The following MTRR variants were observed in gnomAD, a reference collection of about 807,000 sequenced individuals.
MTRR encodes the protein 5-methyltetrahydrofolate-homocysteine methyltransferase reductase.
A neutral mutation model predicts 79.2 loss-of-function variants in MTRR; 63 were observed. That is an observed-to-expected ratio of 0.80 (90% CI 0.65 to 0.98). The LOEUF is 0.98. Ranked by LOEUF, MTRR falls within the 50% of genes least tolerant of loss-of-function variation. The probability of loss-of-function intolerance (pLI) is 0.00; values close to 1 mark genes in which losing one functional copy is unlikely to be tolerated. For synonymous variants in MTRR, 355 were observed against 313.3 expected, an observed-to-expected ratio of 1.13 and a Z score of -1.41; for missense variants, 895 against 839.6, an observed-to-expected ratio of 1.07 and a Z score of -0.82.
chr5:7,887,806 A>G (rs1469256567), intron 8 of MTRR, among the ~76,000 whole-genome samples: 3 of 33,734 alleles, frequency 8.9e-5, no homozygotes, highest in Admixed American at 6.8e-4. Flanking sequence ...ATATATATAT[A>G]TATATATATA....
At chr5:7,899,200 C>T (rs1225198378) in intron 14 of MTRR, among the ~76,000 whole-genome samples, 2 of 152,180 alleles carry the variant, frequency 1.3e-5, no homozygotes, top group Admixed American at 1.3e-4. Flanking sequence ...CCAAGCCCCA[C>T]TTCTAACACT....
rs1748699184 is a variant in MTRR, at chr5:7,875,372, T to C, written c.398T>C (p.Val133Ala). ...GACACTGGACATGCAGATGACTGTG[T>C]AGGGTAAGGGCAGTGTTCTCTGTTT... ...FYDTGHADDC[V>A]GLELVVEPWI... Residue 133 changes from valine (V) to alanine (A), a missense_variant, in exon 4 of 15, where the codon GTA (valine) becomes GCA (alanine). By Grantham distance (64) the Val-to-Ala change is moderately conservative. Transcript: ENST00000440940. 1 of 1,606,366 alleles carries C rather than the reference T, an allele frequency of 6.2e-7. No homozygotes were observed.
chr5:7,867,182 G>C (rs1747021811), upstream of MTRR: 1 of 1,614,084 alleles, frequency 6.2e-7, no homozygotes, highest in African/African-American at 1.3e-5. Flanking sequence ...CACCAGGGCA[G>C]TGAGCATTTG....
chr5:7,870,975 T>C, intron 2 of MTRR, 52 bp downstream of exon 2: 1 of 1,610,816 alleles, frequency 6.2e-7, no homozygotes, highest in South Asian at 1.1e-5. Context: ...AGAATTTTGG[T>C]TGGGAAGTGA....
chr5:7,883,603 G>A (rs563670547), intron 6 of MTRR, among the ~76,000 whole-genome samples: 69 of 152,074 alleles, frequency 4.5e-4, no homozygotes, highest in Non-Finnish European at 5.3e-4. Flanking sequence ...GAGTTGTGTG[G>A]TGCTTGGTTA....
chr5:7,895,471 A>G (rs796536671), intron 11 of MTRR, among the ~76,000 whole-genome samples: 41 of 152,352 alleles, frequency 2.7e-4, no homozygotes, highest in African/African-American at 9.1e-4. Context: ...TTGATTATCT[A>G]TTTAGAGTTC....
In MTRR at chr5:7,875,251, T is replaced by A; in HGVS notation, c.284-7T>A. The A allele has an allele frequency of 6.3e-7, 1 of 1,579,786 alleles. No individual in the cohort carries two copies. ...TTGTGCATTAATTATGTATTTGGGT[T>A]CTCTAGGTCTCGGTGATTCAGAATA... On this transcript the variant is annotated splice_polypyrimidine_tract_variant and splice_region_variant and intron_variant, in intron 3 of 14. Transcript: ENST00000440940.
rs748646666 is a variant in MTRR, at chr5:7,900,014, A to G, written c.2053A>G (p.Thr685Ala). The change falls in exon 15 of 15, where the codon ACT becomes GCT. Residue 685 changes from threonine to alanine, a missense_variant. Transcript: ENST00000440940. ...ACTAGAAGCAATGAAAACCCTGGCCACTTTAAAAGAAGAAAAACGCTACCT... is the reference window on the plus strand; with the variant it reads ...ACTAGAAGCAATGAAAACCCTGGCCGCTTTAAAAGAAGAAAAACGCTACCT... ...EKLEAMKTLA[T>A]LKEEKRYLQD... 6.2e-7 allele frequency: 1 copy of G among 1,613,990 alleles called. No homozygotes were observed. Among genetic ancestry groups the G allele is most frequent in the Non-Finnish European group, 8.5e-7 (1 of 1,180,002 alleles).
chr5:7,863,091 A>G, intron 2 of MTRR: 1 of 1,066,228 alleles, frequency 9.4e-7, no homozygotes, highest in Admixed American at 2.1e-5. Context: ...GTTTGATATA[A>G]CATTACTTTA....
chr5:7,889,447 C>T (rs187016865), intron 9 of MTRR, among the ~76,000 whole-genome samples, 172 bp downstream of exon 9: 137 of 152,268 alleles, frequency 9.0e-4, no homozygotes, highest in Non-Finnish European at 1.7e-3. Flanking sequence ...TATATCTTGT[C>T]TTCAGGGTGC....
chr5:7,881,793 C>G (rs1188196030), intron 5 of MTRR, among the ~76,000 whole-genome samples: 9 of 151,952 alleles, frequency 5.9e-5, no homozygotes, highest in Non-Finnish European at 4.4e-5. Context: ...GCAGTAGCCC[C>G]CCAAGTCCCA....
At chr5:7,857,737 A>G (rs532105250) in intron 1 of MTRR, among the ~76,000 whole-genome samples, 1 of 152,076 alleles carries the variant, frequency 6.6e-6, no homozygotes, top group South Asian at 2.1e-4. Flanking sequence ...GCTCTTTCCT[A>G]TTTGGCCCTA....
chr5:7,867,437 C>A (rs150488459), upstream of MTRR: 1 of 1,614,192 alleles, frequency 6.2e-7, no homozygotes, highest in Non-Finnish European at 8.5e-7. Flanking sequence ...ACAAAGATTG[C>A]GAACTTCCAT....
chr5:7,868,202 A>G (rs368598473), upstream of MTRR: 697 of 28,480 alleles, frequency 0.024, 2 homozygotes, highest in African/African-American at 0.27. Context: ...AGTATCTGGA[A>G]AAAAAAAAAA....
At position 7,878,169 on chromosome 5, in the gene MTRR, A is replaced by G; in HGVS notation, c.627A>G (p.Gln209=). 1 of 1,614,152 alleles carries G rather than the reference A, an allele frequency of 6.2e-7. No homozygotes were observed. The highest frequency in any genetic ancestry group is 1.1e-5 in the South Asian group (1 of 91,082). ...GAAAGGATTCTGAGGTTTTGAAGCA[A>G]AATGCAGTGAACAGCAACCAATCCA... ...SGRKDSEVLK[Q]NAVNSNQSNV... is the part of the protein sequence containing the mutation. The change falls in exon 5 of 15, where the codon CAA becomes CAG. Residue 209 remains glutamine (Q), a synonymous_variant. Coordinates refer to ENST00000440940, the MANE Select transcript of MTRR (RefSeq NM_002454.3).
chr5:7,885,689 G>A lies in MTRR; in HGVS notation c.904-12G>A. On this transcript the variant is annotated splice_polypyrimidine_tract_variant and intron_variant, in intron 6 of 14. Coordinates refer to ENST00000440940, the MANE Select transcript of MTRR (RefSeq NM_002454.3). ...AATGTATTTTTTTTTTTTCATTTTG[G>A]CTCTTCTCTAGAATACAGACTTTTC... 1 of 1,579,274 alleles carries A rather than the reference G, an allele frequency of 6.3e-7. No individual in the cohort carries two copies. Among genetic ancestry groups the A allele is most frequent in the Admixed American group, 1.8e-5 (1 of 54,652 alleles).
chr5:7,878,970 T>A, intron 5 of MTRR, among the ~76,000 whole-genome samples: 1 of 151,794 alleles, frequency 6.6e-6, no homozygotes, highest in Admixed American at 6.6e-5. Flanking sequence ...TAATTTCTTG[T>A]TTTTTTTAAT....
At chr5:7,897,917 C>CTT (rs79421232) in intron 14 of MTRR, among the ~76,000 whole-genome samples, 1 of 148,996 alleles carries the variant, frequency 6.7e-6, no homozygotes. Flanking sequence ...AAGTCAGGTT[C>CTT]TTTTTTTTTT....
At chr5:7,887,848 A>G (rs1736886471) in intron 8 of MTRR, among the ~76,000 whole-genome samples, 1 of 127,138 alleles carries the variant, frequency 7.9e-6, no homozygotes, top group Admixed American at 8.1e-5. Context: ...TTTCAAAAAT[A>G]GTATGCTCAT....
Sources: allele counts gnomAD v4.1 joint callset (sites outside exome capture counted in the v4.1 genomes callset), GRCh38; gene constraint gnomAD v4.1.1; transcripts MANE v1.5; gene names NCBI Gene and HGNC (gene_info 2026-07-23, HGNC 2026-07-21).